RHOT2: variants seen among roughly 807,000 people sequenced by gnomAD.
The protein encoded by RHOT2 is mitochondrial Rho GTPase 2.
A neutral mutation model predicts 81.6 loss-of-function variants in RHOT2; 90 were observed. The ratio of observed to expected loss-of-function variants is 1.10; its 90% CI spans 0.93 to 1.31. RHOT2 has a LOEUF of 1.31. Among genes scored for constraint, RHOT2 ranks in the 40% most tolerant of loss-of-function variants. The pLI is 0.00. For synonymous variants in RHOT2, 512 were observed against 370.9 expected, an observed-to-expected ratio of 1.38 and a Z score of -4.37; for missense variants, 1,014 against 841.9, an observed-to-expected ratio of 1.20 and a Z score of -2.53.
Position 670,007 on chromosome 16 carries a change from G to T in RHOT2, c.277-116G>T. 3.2e-6 allele frequency: 3 copies of T among 937,464 alleles called. No homozygotes were observed. The South Asian group carries it at 5.1e-5, about 16-fold the overall frequency. The allele number at this position is 937,464 out of a possible 1,614,324, so 58.1% of individuals were successfully genotyped here. A position where few individuals can be genotyped will look rare whatever the true frequency, so the allele number is the denominator to read the frequency against. On this transcript the variant is annotated intron_variant, in intron 5 of 18. Coordinates refer to ENST00000315082, the MANE Select transcript of RHOT2 (RefSeq NM_138769.3). ...GCTTTGTTCCTGTGGCCGGGACTTG[G>T]GCCCTCAGTGGGCCTTGACCTCCCC...
chr16:673,584 G>A lies in RHOT2; in HGVS notation c.1835G>A (p.Arg612Lys). The change falls in exon 19 of 19, where the codon AGG becomes AAG. Residue 612 changes from arginine to lysine, a missense_variant. Transcript: ENST00000315082. Reference sequence around the variant, plus strand: ...GCAGTCCTCAGCTTCTCACTCTACAGGGTCCTGGTGAAGAGCCAGTGAGGC... The same window carrying A: ...GCAGTCCTCAGCTTCTCACTCTACAAGGTCCTGGTGAAGAGCCAGTGAGGC... ...VAAVLSFSLY[R>K]VLVKSQ The A allele has an allele frequency of 6.2e-7, 1 of 1,609,064 alleles. No individual in the cohort carries two copies. Among genetic ancestry groups the A allele is most frequent in the Middle Eastern group, 1.9e-4 (1 of 5,318 alleles).
intron 5 of RHOT2, chr16:669,825 C>G (rs1447849520): frequency 6.5e-6 from 4 of 614,550 alleles, no homozygotes; most frequent in Non-Finnish European, 2.8e-6. Flanking sequence ...GGCCGGCAGT[C>G]CTCTTTCTTC....
At chr16:669,516 C>T (rs1439410958) in intron 4 of RHOT2, 37 bp from the exon 5 acceptor site, 2 of 1,606,010 alleles carry the variant, frequency 1.2e-6, no homozygotes, top group East Asian at 4.5e-5. Flanking sequence ...GGTGAGCCAG[C>T]AGCCCTGTCA....
At position 668,652 on chromosome 16, in the gene RHOT2, CT is replaced by C; in HGVS notation, c.179-3del. The C allele has an allele frequency of 6.2e-7, 1 of 1,607,040 alleles. No individual in the cohort carries two copies. The highest frequency in any genetic ancestry group is 1.1e-5 in the South Asian group (1 of 90,222). The stretch of plus-strand genomic sequence containing the variant: ...TCCGCAGTGGAGTCTCTTTGTCCCC[CT>C]AGAAGCCGAGCAGACGGACGAGGAG... On this transcript the variant is annotated splice_polypyrimidine_tract_variant and splice_region_variant and intron_variant, in intron 3 of 18. Transcript: ENST00000315082.
rs367702601 is a variant in RHOT2, at chr16:670,268, G to A, written c.349G>A (p.Gly117Ser). 80 of 1,612,570 alleles carry A rather than the reference G, an allele frequency of 5.0e-5. No homozygotes were observed. Among genetic ancestry groups the A allele is most frequent in the Non-Finnish European group, 6.6e-5 (78 of 1,179,940 alleles). Reference sequence around the variant, plus strand: ...ACCCAGGGTGCCCATCATCCTAGTGGGCAACAAGTCAGACCTGCGGTCGGG... The same window carrying A: ...ACCCAGGGTGCCCATCATCCTAGTGAGCAACAAGTCAGACCTGCGGTCGGG... ...QGPRVPIILV[G>S]NKSDLRSGSS... is the part of the protein sequence containing the mutation. Residue 117 changes from glycine to serine, a missense_variant, in exon 7 of 19, where the codon GGC becomes AGC. Coordinates refer to ENST00000315082, the MANE Select transcript of RHOT2 (RefSeq NM_138769.3).
rs1267821207 is a variant in RHOT2, at chr16:672,717, C to A, written c.1419C>A (p.Gly473=). The change falls in exon 17 of 19, where the codon GGC becomes GGA. Residue 473 remains glycine (G), a synonymous_variant. Coordinates refer to ENST00000315082, the MANE Select transcript of RHOT2 (RefSeq NM_138769.3). ...QEKYLILCEV[G]TDGLLATSLD... Reference sequence around the variant, plus strand: ...GTCTGTCCCAGCTCTGTGAGGTGGGCACAGATGGTCTGCTGGCCACATCGC... The same window carrying A: ...GTCTGTCCCAGCTCTGTGAGGTGGGAACAGATGGTCTGCTGGCCACATCGC... 1 of 1,612,204 alleles carries A rather than the reference C, an allele frequency of 6.2e-7. No individual in the cohort carries two copies. The highest frequency in any genetic ancestry group is 8.5e-7 in the Non-Finnish European group (1 of 1,179,984).
At chr16:669,195 G>A (rs2151447187) in intron 4 of RHOT2, 1 of 424,428 alleles carries the variant, frequency 2.4e-6, no homozygotes, top group Non-Finnish European at 4.3e-6. Context: ...CGGCTGTCTT[G>A]CAGGGTGTTG....
chr16:673,944 C>A lies in RHOT2; in HGVS notation c.*338C>A. On this transcript the variant is annotated 3_prime_UTR_variant, in exon 19 of 19. Transcript: ENST00000315082. ...AGCTGGTGACCCCAGACCCAGAATT[C>A]TCAGGGCTCTACCCCCCTTTCCTGG... 1.9e-6 allele frequency: 1 copy of A among 528,124 alleles called. No homozygotes were observed. Among genetic ancestry groups the A allele is most frequent in the Non-Finnish European group, 3.6e-6 (1 of 274,570 alleles). 32.7% of individuals were successfully genotyped at this position (528,124 alleles called of 1,614,324 possible). A position where few individuals can be genotyped will look rare whatever the true frequency, so the allele number is the denominator to read the frequency against.
At chr16:669,266 G>C in intron 4 of RHOT2, 1 of 538,566 alleles carries the variant, frequency 1.9e-6, no homozygotes, top group Non-Finnish European at 3.4e-6. Flanking sequence ...GCTGACCACA[G>C]TTATGCTTCT....
intron 4 of RHOT2, 144 bp downstream of exon 4, chr16:668,843 C>T (rs371017446): frequency 4.0e-5 from 32 of 802,102 alleles, no homozygotes; most frequent in South Asian, 3.4e-4. Context: ...TTGTCGGGGC[C>T]CCTACAGCGC....
rs535514760 is a variant in RHOT2 at position 668,496 on chromosome 16, C to T, written c.105C>T (p.Pro35=). 6.2e-6 allele frequency: 10 copies of T among 1,605,958 alleles called. No homozygotes were observed. In the African/African-American group the frequency reaches 1.2e-4, roughly 19 times the overall value. ...GCGCGGGTCCCTTGCAGGTCCCTCC[C>T]CGCGCGGAGGAGATCACCATCCCCG... ...VGEEFPEEVP[P]RAEEITIPAD... Residue 35 remains proline (P), a synonymous_variant, in exon 3 of 19, where the codon CCC becomes CCT. Coordinates refer to ENST00000315082, the MANE Select transcript of RHOT2 (RefSeq NM_138769.3).
Position 671,144 on chromosome 16 carries a change from C to T in RHOT2, c.810C>T (p.Ile270=), listed in dbSNP as rs2038860957. The change falls in exon 11 of 19, where the codon ATC becomes ATT. Residue 270 remains isoleucine (I), a synonymous_variant. Transcript: ENST00000315082. ...QRGRHETTWT[I]LRRFGYSDAL... Reference sequence around the variant, plus strand: ...GCCGGCACGAGACCACCTGGACCATCCTGCGGCGCTTCGGCTACAGCGATG... The same window carrying T: ...GCCGGCACGAGACCACCTGGACCATTCTGCGGCGCTTCGGCTACAGCGATG... 1.2e-6 allele frequency: 2 copies of T among 1,601,262 alleles called. No homozygotes were observed. Among genetic ancestry groups the T allele is most frequent in the East Asian group, 2.2e-5 (1 of 44,784 alleles).
In RHOT2 at chr16:671,712, C is replaced by G; in HGVS notation, c.885C>G (p.Pro295=). 6.2e-7 allele frequency: 1 copy of G among 1,612,274 alleles called. No individual in the cohort carries two copies. Among genetic ancestry groups the G allele is most frequent in the South Asian group, 1.1e-5 (1 of 91,078 alleles). The part of the protein sequence containing the change: ...DYLSPLIHVP[P]GCSTELNHLG... ...CTCCCTGCAGGATCCACGTGCCCCC[C>G]GGCTGCAGCACGGAGCTCAACCACC... is the stretch of plus-strand genomic sequence containing the variant. Residue 295 remains proline (P), a synonymous_variant, in exon 12 of 19, where the codon CCC becomes CCG. Transcript: ENST00000315082.
intron 5 of RHOT2, 43 bp downstream of exon 5, chr16:669,649 C>A (rs374509821): frequency 2.5e-6 from 4 of 1,597,126 alleles, no homozygotes; most frequent in East Asian, 2.2e-5. Context: ...ACACAGTGGC[C>A]GGTGGTGGCC....
intron 4 of RHOT2, chr16:668,976 G>T (rs1181786419): frequency 1.9e-6 from 1 of 520,016 alleles, no homozygotes; most frequent in African/African-American, 2.0e-5. Flanking sequence ...TGTGGGCTCT[G>T]TGTGCGCCAC....
At position 673,054 on chromosome 16, in the gene RHOT2, G is replaced by A. The variant is rs149491361; in HGVS notation, c.1654G>A (p.Val552Met). 4.5e-5 allele frequency: 73 copies of A among 1,611,868 alleles called. 2 individuals carry two copies. The highest frequency in any genetic ancestry group is 3.0e-4 in the South Asian group (27 of 91,080). The change falls in exon 18 of 19, where the codon GTG (valine) becomes ATG (methionine). Residue 552 changes from valine to methionine, a missense_variant. Val to Met is a conservative substitution (Grantham distance 21). Coordinates refer to ENST00000315082, the MANE Select transcript of RHOT2 (RefSeq NM_138769.3). ...CCGCAAGCACCGGCTACCCGCTCCC[G>A]TGCCGTTCTCCTGTGCTGGCCCAGC... is the stretch of plus-strand genomic sequence containing the variant. ...FCRKHRLPAP[V>M]PFSCAGPAEP...
chr16:668,342 G>T lies in RHOT2; in HGVS notation c.38-11G>T. 1.4e-6 allele frequency: 2 copies of T among 1,392,182 alleles called. No individual in the cohort carries two copies. Among genetic ancestry groups the T allele is most frequent in the Non-Finnish European group, 1.9e-6 (2 of 1,079,816 alleles). 86.2% of individuals were successfully genotyped at this position (1,392,182 alleles called of 1,614,324 possible). A position where few individuals can be genotyped will look rare whatever the true frequency, so the allele number is the denominator to read the frequency against. On this transcript the variant is annotated splice_polypyrimidine_tract_variant and intron_variant, in intron 1 of 18. Coordinates refer to ENST00000315082, the MANE Select transcript of RHOT2 (RefSeq NM_138769.3). ...CCTTGGCCCTCGCGCTGACCGCCTC[G>T]CCCCGCGCAGCCCAGGTGGGGAAGA...
intron 5 of RHOT2, 75 bp from the exon 6 acceptor site, chr16:670,048 A>G: frequency 7.1e-7 from 1 of 1,405,572 alleles, no homozygotes; most frequent in African/African-American, 1.4e-5. Flanking sequence ...GCTCTCCCCC[A>G]GCCAGGCTCA....
rs374373316 is a variant in RHOT2 at position 670,183 on chromosome 16, G to C, written c.329+8G>C. ...GACCACGCAGGGGCCCAGGTAATGA[G>C]GGGATGTGGAAGGGGCTGGGACCCC... On this transcript the variant is annotated splice_region_variant and intron_variant, in intron 6 of 18. Transcript: ENST00000315082. 63 of 1,607,532 alleles carry C rather than the reference G, an allele frequency of 3.9e-5. No homozygotes were observed. The highest frequency in any genetic ancestry group is 8.5e-5 in the Admixed American group (5 of 58,686).
Sources: allele counts gnomAD v4.1 joint callset, GRCh38; gene constraint gnomAD v4.1.1; transcripts MANE v1.5; gene names NCBI Gene and HGNC (gene_info 2026-07-23, HGNC 2026-07-21).